NSFL1C: variants seen among roughly 807,000 people sequenced by gnomAD.
NSFL1C encodes the protein NSFL1 cofactor p47.
A neutral mutation model predicts 43.1 loss-of-function variants in NSFL1C; 14 were observed. The observed-to-expected ratio is 0.32, with a 90% CI of 0.21 to 0.51. The LOEUF is 0.51. Among genes scored for constraint, NSFL1C ranks in the 20% least tolerant of loss-of-function variants. NSFL1C has a pLI of 0.98. For missense variants in NSFL1C, 406 were observed against 472.5 expected (o/e 0.86, Z 1.30); for synonymous variants, 171 against 183.5 (o/e 0.93, Z 0.55).
chr20:1,456,054 G>C (rs536681219), intron 3 of NSFL1C: 21 of 301,448 alleles, frequency 7.0e-5, no homozygotes, highest in African/African-American at 4.3e-4. Context: ...CTCCTATTCA[G>C]AGCTAAGTCA....
chr20:1,454,837 G>T, intron 4 of NSFL1C, 130 bp downstream of exon 4: 1 of 972,980 alleles, frequency 1.0e-6, no homozygotes, highest in Non-Finnish European at 1.6e-6. Flanking sequence ...CTACACTCGT[G>T]TTCCGCACAG....
intron 3 of NSFL1C, among the ~76,000 whole-genome samples, chr20:1,457,643 A>G (rs1234692438): frequency 6.6e-6 from 1 of 152,162 alleles, no homozygotes; most frequent in Admixed American, 6.5e-5. Context: ...CGATTGTTCT[A>G]GATTGGAATT....
At position 1,458,256 on chromosome 20, in the gene NSFL1C, G is replaced by C; in HGVS notation, c.222C>G (p.Ser74=). The C allele has an allele frequency of 6.2e-7, 1 of 1,613,676 alleles. No homozygotes were observed. Among genetic ancestry groups the C allele is most frequent in the African/African-American group, 1.3e-5 (1 of 74,994 alleles). Residue 74 remains serine (S), a synonymous_variant, in exon 3 of 9, where the codon TCC becomes TCG. Transcript: ENST00000216879. ...CTTGGTCATGAATGAGGTCTCTGAAGGATGTCACTCTATTATCACTGGAGA... is the reference window on the plus strand; with the variant it reads ...CTTGGTCATGAATGAGGTCTCTGAACGATGTCACTCTATTATCACTGGAGA... The part of the protein sequence containing the change: ...GTAPSDNRVT[S]FRDLIHDQDE...
At chr20:1,454,656 AT>A (rs1324773814) in intron 4 of NSFL1C, among the ~76,000 whole-genome samples, 2 of 152,230 alleles carry the variant, frequency 1.3e-5, no homozygotes, top group African/African-American at 4.8e-5. Context: ...AGAAATCCCG[AT>A]TTTATATAAA....
intron 2 of NSFL1C, among the ~76,000 whole-genome samples, chr20:1,462,013 A>G (rs1599969754): frequency 6.6e-6 from 1 of 152,196 alleles, no homozygotes; most frequent in Non-Finnish European, 1.5e-5. Flanking sequence ...TAACATGTAC[A>G]CAAACTTTTG....
chr20:1,461,706 C>T (rs1249730700), intron 2 of NSFL1C, among the ~76,000 whole-genome samples: 1 of 152,156 alleles, frequency 6.6e-6, no homozygotes, highest in Non-Finnish European at 1.5e-5. Flanking sequence ...TTTACTAGCT[C>T]TGTGATCTTG....
rs771110340 is a variant in NSFL1C, at chr20:1,445,701, G to A, written c.915C>T (p.Gly305=). The A allele has an allele frequency of 3.7e-6, 6 of 1,613,514 alleles. No individual in the cohort carries two copies. The highest frequency in any genetic ancestry group is 1.1e-5 in the South Asian group (1 of 91,044). ...GGTTAAATTTCTGCACCAGCCTCCC[G>A]CCGTCTGCAAGCCGAATTTGGATGT... ...TTNIQIRLAD[G]GRLVQKFNHS... The change falls in exon 8 of 9, where the codon GGC becomes GGT. Residue 305 remains glycine, a synonymous_variant. Transcript: ENST00000216879.
At chr20:1,452,376 T>C (rs771475358) in intron 7 of NSFL1C, 117 bp downstream of exon 7, 21 of 1,331,506 alleles carry the variant, frequency 1.6e-5, no homozygotes, top group Middle Eastern at 2.4e-4. Flanking sequence ...ACAAATAAAA[T>C]TTGAAGTATT....
In NSFL1C at chr20:1,443,585, G is replaced by T; in HGVS notation, c.*164C>A. The T allele has an allele frequency of 1.7e-6, 1 of 590,294 alleles. No homozygotes were observed. Among genetic ancestry groups the T allele is most frequent in the Non-Finnish European group, 2.9e-6 (1 of 349,876 alleles). 36.6% of individuals were successfully genotyped at this position (590,294 alleles called of 1,614,324 possible). A position where few individuals can be genotyped will look rare whatever the true frequency, so the allele number is the denominator to read the frequency against. On this transcript the variant is annotated 3_prime_UTR_variant, in exon 9 of 9. Coordinates refer to ENST00000216879, the MANE Select transcript of NSFL1C (RefSeq NM_016143.5). ...ACAAAAACCCAGGAAATGCAACTAA[G>T]GAGAAAACAAACGTCCAACCAAGAT... is the stretch of plus-strand genomic sequence containing the variant.
chr20:1,447,953 T>C (rs1394469437), intron 7 of NSFL1C, among the ~76,000 whole-genome samples: 1 of 152,196 alleles, frequency 6.6e-6, no homozygotes, highest in Non-Finnish European at 1.5e-5. Context: ...ACTAATGCAA[T>C]GAACAAGCCT....
chr20:1,457,796 T>C (rs1171130275), intron 3 of NSFL1C, among the ~76,000 whole-genome samples: 3 of 152,226 alleles, frequency 2.0e-5, no homozygotes, highest in African/African-American at 2.4e-5. Context: ...ACTGTGTATA[T>C]ACACCACATT....
chr20:1,464,112 TC>T, intron 2 of NSFL1C: 1 of 472,580 alleles, frequency 2.1e-6, no homozygotes, highest in Non-Finnish European at 3.7e-6. Context: ...GTTTGTGGTT[TC>T]CCCCAGGATT....
At chr20:1,444,013 T>G in intron 8 of NSFL1C, 102 bp from the exon 9 acceptor site, 1 of 1,285,788 alleles carries the variant, frequency 7.8e-7, no homozygotes, top group East Asian at 2.5e-5. Flanking sequence ...CCTGACTTTC[T>G]CCACAGAACA....
intron 7 of NSFL1C, chr20:1,446,238 T>A (rs1180097291): frequency 1.9e-5 from 5 of 264,704 alleles, no homozygotes; most frequent in African/African-American, 1.1e-4. Flanking sequence ...AGGGGAGTGT[T>A]CCAAGTCTGC....
At chr20:1,462,501 T>C (rs893688394) in intron 2 of NSFL1C, among the ~76,000 whole-genome samples, 2 of 151,946 alleles carry the variant, frequency 1.3e-5, no homozygotes, top group Non-Finnish European at 2.9e-5. Context: ...TTAAACTCTA[T>C]GTCCTTGATT....
chr20:1,462,001 G>A (rs2090421156), intron 2 of NSFL1C, among the ~76,000 whole-genome samples: 1 of 152,110 alleles, frequency 6.6e-6, no homozygotes, highest in Non-Finnish European at 1.5e-5. Context: ...AAAGATACCT[G>A]CTAACATGTA....
chr20:1,464,537 C>A (rs2090472607), intron 1 of NSFL1C, 111 bp from the exon 2 acceptor site: 2 of 798,948 alleles, frequency 2.5e-6, no homozygotes, highest in Admixed American at 2.4e-5. Flanking sequence ...AGGTAGCTTG[C>A]ATCCATGGGC....
intron 7 of NSFL1C, among the ~76,000 whole-genome samples, chr20:1,450,006 T>C (rs2090152173): frequency 6.6e-6 from 1 of 152,236 alleles, no homozygotes; most frequent in South Asian, 2.1e-4. Flanking sequence ...TCAGATTGTA[T>C]ACATCTTTTG....
chr20:1,455,601 T>G (rs2090281326), intron 3 of NSFL1C: 1 of 773,202 alleles, frequency 1.3e-6, no homozygotes, highest in African/African-American at 1.7e-5. Flanking sequence ...TACAAGCAGC[T>G]AGGCTCCAGT....
Sources: gnomAD v4.1 joint callset for allele counts (sites outside exome capture counted in the v4.1 genomes callset) on GRCh38, gnomAD v4.1.1 for gene constraint, MANE v1.5 for transcripts, NCBI Gene and HGNC (gene_info 2026-07-23, HGNC 2026-07-21) for gene names.